Variants in SPTB observed in about 807,000 individuals in gnomAD.
SPTB encodes the protein spectrin beta, erythrocytic.
Under a neutral mutation model 256.2 loss-of-function variants are expected in SPTB, and 45 were observed. The ratio of observed to expected loss-of-function variants is 0.18; its 90% CI spans 0.14 to 0.23. The LOEUF (loss-of-function observed/expected upper bound fraction) is 0.23. Ranked by LOEUF, SPTB falls within the 10% of genes least tolerant of loss-of-function variation. The pLI is 1.00. For synonymous variants in SPTB, 1,231 were observed against 1,243.1 expected, an observed-to-expected ratio of 0.99 and a Z score of 0.21; for missense variants, 2,715 against 3,040.4, an observed-to-expected ratio of 0.89 and a Z score of 2.52.
At chr14:64,804,014 G>A (rs1041537523) in intron 3 of SPTB, among the ~76,000 whole-genome samples, 1 of 152,208 alleles carries the variant, frequency 6.6e-6, no homozygotes, top group African/African-American at 2.4e-5. Context: ...CCCTTCTGGG[G>A]CTGAACAAAG....
rs748183223 is a variant in SPTB at position 64,786,333 on chromosome 14, C to T, written c.3561+71G>A. On this transcript the variant is annotated intron_variant, in intron 16 of 35. Transcript: ENST00000644917. This position sits in a 1 kb window ranked among gnomAD's most constrained non-coding sequence, Gnocchi z 5.6. ...AATGTGGTCCCTGAGTCTTACAGCA[C>T]ATTTGTGGACTCACCACAAGAGCTA... The T allele has an allele frequency of 1.3e-5, 21 of 1,588,106 alleles. No individual in the cohort carries two copies. The highest frequency in any genetic ancestry group is 1.7e-4 in the Middle Eastern group (1 of 6,046).
chr14:64,851,463 T>TAGC (rs778304352), intron 1 of SPTB, among the ~76,000 whole-genome samples: 1 of 151,526 alleles, frequency 6.6e-6, no homozygotes, highest in African/African-American at 2.4e-5. Flanking sequence ...GCAGTAGCAG[T>TAGC]AGTAGTAGTA....
intron 15 of SPTB, 92 bp downstream of exon 15, chr14:64,791,627 T>C (rs1322591641): frequency 1.8e-5 from 17 of 940,454 alleles, no homozygotes; most frequent in South Asian, 1.8e-4. Context: ...TGTTGGTGCA[T>C]ACTAGGTGGA....
intron 19 of SPTB, among the ~76,000 whole-genome samples, 157 bp from the exon 20 acceptor site, chr14:64,782,710 C>A (rs192727331): frequency 6.6e-6 from 1 of 151,938 alleles, no homozygotes; most frequent in East Asian, 1.9e-4. Flanking sequence ...AACTCTGAAT[C>A]CCCAGCATTA....
Position 64,797,801 on chromosome 14 carries a change from C to A in SPTB, c.1110G>T (p.Gln370His). The A allele has an allele frequency of 6.2e-7, 1 of 1,614,152 alleles. No individual in the cohort carries two copies. Among genetic ancestry groups the A allele is most frequent in the Non-Finnish European group, 8.5e-7 (1 of 1,180,018 alleles). Residue 370 changes from glutamine (Q) to histidine (H), a missense_variant, in exon 10 of 36, where the codon CAG becomes CAT. Gln to His is a conservative substitution (Grantham distance 24). Coordinates refer to ENST00000644917, the MANE Select transcript of SPTB (RefSeq NM_001355436.2). ...TCTGATTGTTGGCTCTCATCCGGGA[C>A]TGGATGGTAAAAAGTAGAACTTCCA... ...GNLEVLLFTIQSRMRANNQKV... is the reference protein window; with the variant it reads ...GNLEVLLFTIHSRMRANNQKV...
intron 2 of SPTB, 49 bp downstream of exon 2, chr14:64,822,898 C>T (rs770794063): frequency 6.2e-7 from 1 of 1,611,604 alleles, no homozygotes; most frequent in Non-Finnish European, 8.5e-7. Context: ...GGGCTGTGAA[C>T]CTTGTGACTG....
In SPTB at chr14:64,772,850, G is replaced by A. The variant is rs1188719335; in HGVS notation, c.5283C>T (p.Gly1761=). ...CGGCGATGGTGGCCGCCTCGCTGTG[G>A]CCCGCGTCGATGAGTCGCTCGATGA... ...NAFIERLIDA[G]HSEAATIAEW... Residue 1761 remains glycine, a synonymous_variant, in exon 26 of 36, where the codon GGC becomes GGT. Coordinates refer to ENST00000644917, the MANE Select transcript of SPTB (RefSeq NM_001355436.2). The surrounding 1 kb of genome is among the most constrained non-coding windows in gnomAD (Gnocchi z 5.4). 1 of 1,613,292 alleles carries A rather than the reference G, an allele frequency of 6.2e-7. No homozygotes were observed.
At chr14:64,861,348 T>A (rs1303241950) in intron 1 of SPTB, among the ~76,000 whole-genome samples, 1 of 152,060 alleles carries the variant, frequency 6.6e-6, no homozygotes, top group East Asian at 1.9e-4. Context: ...AAAATAAAAG[T>A]GTCCCTGCCC....
intron 32 of SPTB, among the ~76,000 whole-genome samples, chr14:64,762,353 C>G (rs963727334): frequency 3.9e-5 from 6 of 152,242 alleles, no homozygotes; most frequent in African/African-American, 1.4e-4. Context: ...ACCCACATCT[C>G]TTCCATCCAA....
In SPTB at chr14:64,777,985, G is replaced by C. The variant is rs2082391423; in HGVS notation, c.4563+1172C>G. ...GCATAGAATCAAAAATCCTAGTGTT[G>C]GAAAGACTAGAGTTGGCTCATTTTA... is the stretch of plus-strand genomic sequence containing the variant. On this transcript the variant is annotated intron_variant, in intron 22 of 35. Coordinates refer to ENST00000644917, the MANE Select transcript of SPTB (RefSeq NM_001355436.2). The surrounding 1 kb of genome is among the most constrained non-coding windows in gnomAD (Gnocchi z 4.5). 6.6e-6 allele frequency among the ~76,000 whole-genome samples: 1 copy of C among 152,134 alleles called. No homozygotes were observed. The highest frequency in any genetic ancestry group is 1.5e-5 in the Non-Finnish European group (1 of 68,016).
rs45607231 is a variant in SPTB, at chr14:64,802,456, G to A, written c.475-139C>T. On this transcript the variant is annotated intron_variant, in intron 4 of 35. Coordinates refer to ENST00000644917, the MANE Select transcript of SPTB (RefSeq NM_001355436.2). This position sits in a 1 kb window ranked among gnomAD's most constrained non-coding sequence, Gnocchi z 5.1. ...TCCTTTAAGAGCCAGTATAAATGGC[G>A]CTTGGGTTGGGTCTCCCTTCATGTG... is the stretch of plus-strand genomic sequence containing the variant. The A allele has an allele frequency of 0.25, 199,195 of 794,322 alleles. 26,494 individuals are homozygous for A. Among genetic ancestry groups the A allele is most frequent in the Middle Eastern group, 0.31 (1,344 of 4,312 alleles). The allele number at this position is 794,322 out of a possible 1,614,324, so 49.2% of individuals were successfully genotyped here.
chr14:64,765,821 A>T (rs565938891), intron 32 of SPTB, among the ~76,000 whole-genome samples: 15 of 132,012 alleles, frequency 1.1e-4, no homozygotes, highest in East Asian at 4.3e-4. Context: ...TGTGTGTGTG[A>T]GTGTGTGTGT....
chr14:64,795,691 T>C lies in SPTB; in HGVS notation c.1342-52A>G, dbSNP rs748352836. ...GCTCAGTCAGACACCCAGGGGCTCA[T>C]CCCCAAACTCAGGGACAGGGCAGCT... On this transcript the variant is annotated intron_variant, in intron 11 of 35. Coordinates refer to ENST00000644917, the MANE Select transcript of SPTB (RefSeq NM_001355436.2). The surrounding 1 kb of genome is among the most constrained non-coding windows in gnomAD (Gnocchi z 6.5). 1 of 1,594,962 alleles carries C rather than the reference T, an allele frequency of 6.3e-7. No homozygotes were observed. The highest frequency in any genetic ancestry group is 1.7e-5 in the Admixed American group (1 of 59,818).
intron 1 of SPTB, among the ~76,000 whole-genome samples, chr14:64,831,926 T>C (rs757515676): frequency 8.5e-5 from 13 of 152,144 alleles, no homozygotes; most frequent in Admixed American, 2.6e-4. Context: ...CAAGGACATA[T>C]GCAAATTAAA....
chr14:64,857,433 T>C (rs2083890610), intron 1 of SPTB, among the ~76,000 whole-genome samples: 1 of 151,814 alleles, frequency 6.6e-6, no homozygotes, highest in Non-Finnish European at 1.5e-5. Flanking sequence ...CATTTAAAAA[T>C]TAGCCATGCA....
chr14:64,770,377 A>G (rs1050331267), intron 27 of SPTB, among the ~76,000 whole-genome samples: 3 of 152,160 alleles, frequency 2.0e-5, no homozygotes, highest in Non-Finnish European at 4.4e-5. Context: ...GGGCAATAGG[A>G]TGGAGATGGA....
chr14:64,753,846 T>C (rs778713147), intron 32 of SPTB, 53 bp from the exon 33 acceptor site: 13 of 1,604,328 alleles, frequency 8.1e-6, no homozygotes, highest in Non-Finnish European at 1.0e-5. Context: ...GGCTTAGAGA[T>C]GGCTGTTCTC....
chr14:64,772,652 G>C lies in SPTB; in HGVS notation c.5481C>G (p.Asp1827Glu). The change falls in exon 26 of 36, where the codon GAC becomes GAG. Residue 1827 changes from aspartate (D) to glutamate (E), a missense_variant. Asp to Glu is a conservative substitution (Grantham distance 45). Around this residue, in one of 4 missense-constraint regions of SPTB, gnomAD observed 2,239 missense variants for 2,384.4 expected, o/e 0.94. Coordinates refer to ENST00000644917, the MANE Select transcript of SPTB (RefSeq NM_001355436.2). The surrounding 1 kb of genome is among the most constrained non-coding windows in gnomAD (Gnocchi z 5.4). ...GGTGGAAGGACTCGGCCGTGCTGGC[G>C]TCCAGCCCCACGTCCTCGGGCAGCT... ...HRELPEDVGL[D>E]ASTAESFHRV... is the part of the protein sequence containing the mutation. 6.2e-7 allele frequency: 1 copy of C among 1,613,298 alleles called. No homozygotes were observed. The highest frequency in any genetic ancestry group is 8.5e-7 in the Non-Finnish European group (1 of 1,179,820).
At position 64,806,268 on chromosome 14, in the gene SPTB, G is replaced by T. The variant is rs1309106947; in HGVS notation, c.149-1178C>A. 6.6e-6 allele frequency among the ~76,000 whole-genome samples: 1 copy of T among 152,220 alleles called. No homozygotes were observed. Among genetic ancestry groups the T allele is most frequent in the South Asian group, 2.1e-4 (1 of 4,832 alleles). Reference sequence around the variant, plus strand: ...CCCTCTCTGGATTTATGAACAGTTTGGTGGCAATTAGCTTCTGGGCACTTA... The same window carrying T: ...CCCTCTCTGGATTTATGAACAGTTTTGTGGCAATTAGCTTCTGGGCACTTA... On this transcript the variant is annotated intron_variant, in intron 2 of 35. Coordinates refer to ENST00000644917, the MANE Select transcript of SPTB (RefSeq NM_001355436.2). This position sits in a 1 kb window ranked among gnomAD's most constrained non-coding sequence, Gnocchi z 4.1.
Sources: gnomAD v4.1 joint callset for allele counts (sites outside exome capture counted in the v4.1 genomes callset) on GRCh38, gnomAD v4.1.1 for gene constraint, gnomAD v4.1.1 regional missense constraint, Gnocchi (gnomAD v3.1) non-coding constraint, MANE v1.5 for transcripts, NCBI Gene and HGNC (gene_info 2026-07-23, HGNC 2026-07-21) for gene names.